The following GNPAT variants were observed in gnomAD, a reference collection of about 807,000 sequenced individuals.
GNPAT encodes the protein dihydroxyacetone phosphate acyltransferase.
Under a neutral mutation model 78.4 loss-of-function variants are expected in GNPAT, and 30 were observed. The ratio of observed to expected loss-of-function variants is 0.38; its 90% CI spans 0.29 to 0.52. The LOEUF is 0.52. Among genes scored for constraint, GNPAT ranks in the 20% least tolerant of loss-of-function variants. The pLI, the probability that GNPAT is intolerant of heterozygous loss-of-function variation, is 0.84. For synonymous variants in GNPAT, 271 were observed against 281.1 expected (o/e 0.96, Z 0.36); for missense variants, 714 against 812.2 (o/e 0.88, Z 1.47).
At chr1:231,271,813 T>C (rs1338580033) in intron 10 of GNPAT, among the ~76,000 whole-genome samples, 2 of 152,138 alleles carry the variant, frequency 1.3e-5, no homozygotes, top group African/African-American at 4.8e-5. Context: ...ATTTAAAAAC[T>C]ATGCTAGGGC....
Position 231,277,725 on chromosome 1 carries a change from G to C in GNPAT, c.*183G>C. The C allele has an allele frequency of 1.7e-6, 1 of 601,370 alleles. No homozygotes were observed. The highest frequency in any genetic ancestry group is 2.8e-4 in the Middle Eastern group (1 of 3,616). 37.3% of individuals were successfully genotyped at this position (601,370 alleles called of 1,614,324 possible). ...AATCAGTTTACTCTTCCCCACCACA[G>C]TGGTTAAAAGGCGTTTGTATCTGAC... On this transcript the variant is annotated 3_prime_UTR_variant, in exon 16 of 16. Coordinates refer to ENST00000366647, the MANE Select transcript of GNPAT (RefSeq NM_014236.4).
chr1:231,269,562 C>A (rs1685495562), intron 9 of GNPAT, among the ~76,000 whole-genome samples: 2 of 152,120 alleles, frequency 1.3e-5, no homozygotes, highest in African/African-American at 4.8e-5. Flanking sequence ...GACAAAAATG[C>A]CAGTCACCAA....
intron 2 of GNPAT, among the ~76,000 whole-genome samples, chr1:231,255,780 C>T (rs181120368): frequency 2.6e-5 from 4 of 152,272 alleles, no homozygotes; most frequent in African/African-American, 9.6e-5. Flanking sequence ...CCTCCTCATC[C>T]TTCATTTACT....
intron 11 of GNPAT, 49 bp downstream of exon 11, chr1:231,272,440 G>T (rs773499895): frequency 2.0e-6 from 2 of 978,132 alleles, no homozygotes; most frequent in Non-Finnish European, 3.3e-6. Flanking sequence ...GTGAGTTCTA[G>T]AAATGTTAGG....
rs959559237 is a variant in GNPAT at position 231,277,729 on chromosome 1, T to C, written c.*187T>C. ...AGTTTACTCTTCCCCACCACAGTGG[T>C]TAAAAGGCGTTTGTATCTGACACTA... On this transcript the variant is annotated 3_prime_UTR_variant, in exon 16 of 16. Transcript: ENST00000366647. 1.9e-5 allele frequency: 11 copies of C among 592,990 alleles called. No homozygotes were observed. The highest frequency in any genetic ancestry group is 2.7e-5 in the Non-Finnish European group (9 of 330,120). The allele number at this position is 592,990 out of a possible 1,614,324, so 36.7% of individuals were successfully genotyped here.
At chr1:231,269,425 A>T (rs1224642922) in intron 9 of GNPAT, among the ~76,000 whole-genome samples, 1 of 152,194 alleles carries the variant, frequency 6.6e-6, no homozygotes, top group African/African-American at 2.4e-5. Flanking sequence ...CACCATCAGA[A>T]GACTGGAGGT....
intron 2 of GNPAT, among the ~76,000 whole-genome samples, chr1:231,254,708 A>G (rs1229465353): frequency 6.6e-6 from 1 of 151,324 alleles, no homozygotes; most frequent in African/African-American, 2.4e-5. Flanking sequence ...TTGGCCTCCC[A>G]AAGTGCTACA....
chr1:231,277,235 G>A lies in GNPAT; in HGVS notation c.2000-264G>A, dbSNP rs13374978. 0.012 allele frequency among the ~76,000 whole-genome samples: 1,789 copies of A among 152,330 alleles called. 42 individuals carry two copies. The highest frequency in any genetic ancestry group is 0.041 in the African/African-American group (1,723 of 41,560). On this transcript the variant is annotated intron_variant, in intron 15 of 15. Transcript: ENST00000366647. ...CACGGAAAGCAGATGTGATGTGAGC[G>A]TGAACATACTGGACTGGAGTTCAGA...
intron 2 of GNPAT, among the ~76,000 whole-genome samples, chr1:231,257,343 G>A (rs537664844): frequency 1.3e-5 from 2 of 152,258 alleles, no homozygotes; most frequent in South Asian, 2.1e-4. Context: ...TCTCAGAAGA[G>A]TGGGCTACAT....
intron 5 of GNPAT, 127 bp downstream of exon 5, chr1:231,265,547 C>G: frequency 3.3e-6 from 3 of 923,018 alleles, no homozygotes. Flanking sequence ...TGCTTATAAC[C>G]TCAGCAATTG....
At chr1:231,261,418 G>T (rs186226009) in intron 3 of GNPAT, among the ~76,000 whole-genome samples, 1 of 151,210 alleles carries the variant, frequency 6.6e-6, no homozygotes, top group African/African-American at 2.4e-5. Flanking sequence ...TATTGGGCTC[G>T]GGTTGTGTAC....
At chr1:231,270,044 C>T (rs533507968) in intron 9 of GNPAT, 2 of 153,154 alleles carry the variant, frequency 1.3e-5, no homozygotes, top group Admixed American at 6.5e-5. Flanking sequence ...AACTTGCCAC[C>T]CAACTTGAGC....
intron 1 of GNPAT, among the ~76,000 whole-genome samples, chr1:231,243,864 A>ATG (rs532068136): frequency 3.3e-3 from 503 of 151,322 alleles, no homozygotes; most frequent in South Asian, 0.018. Context: ...TCTTACATCT[A>ATG]TGTGTGTGTG....
At chr1:231,257,840 A>G (rs1182333049) in intron 2 of GNPAT, among the ~76,000 whole-genome samples, 1 of 152,172 alleles carries the variant, frequency 6.6e-6, no homozygotes, top group East Asian at 1.9e-4. Context: ...TGTATAGCTA[A>G]CTAATTCTTA....
chr1:231,252,809 A>G lies in GNPAT; in HGVS notation c.261+1666A>G, dbSNP rs139518123. ...GAGTGAACTCATTCAGAATTGCAGT[A>G]TTCTTGCTTGATGTTGGTTACCAAA... On this transcript the variant is annotated intron_variant, in intron 2 of 15. Transcript: ENST00000366647. Among the ~76,000 whole-genome samples the G allele has an allele frequency of 8.9e-4, 135 of 151,996 alleles. 1 individual carries two copies. The highest frequency in any genetic ancestry group is 3.2e-3 in the African/African-American group (131 of 41,428).
chr1:231,267,732 GCCTACA>G lies in GNPAT; in HGVS notation c.1109_1114del (p.Ala370_Lys372delinsGlu), dbSNP rs1685431227. The G allele has an allele frequency of 6.2e-7, 1 of 1,612,652 alleles. No homozygotes were observed. The highest frequency in any genetic ancestry group is 8.5e-7 in the Non-Finnish European group (1 of 1,178,814). ...CATGCATGCCTTTGTCACTGAAGTT[GCCTACA>G]AAATGGAGCTTCTGCAAATTGAAAA... On this transcript the variant is annotated inframe_deletion, in exon 9 of 16. Coordinates refer to ENST00000366647, the MANE Select transcript of GNPAT (RefSeq NM_014236.4).
chr1:231,256,153 A>T (rs1685051555), intron 2 of GNPAT, among the ~76,000 whole-genome samples: 1 of 152,214 alleles, frequency 6.6e-6, no homozygotes, highest in Non-Finnish European at 1.5e-5. Flanking sequence ...ACATAATAAG[A>T]ACATGGATAA....
chr1:231,248,466 C>T (rs1413506896), intron 1 of GNPAT, among the ~76,000 whole-genome samples: 2 of 151,716 alleles, frequency 1.3e-5, no homozygotes, highest in African/African-American at 4.8e-5. Flanking sequence ...TGGTGGTTCA[C>T]GCCTGTAATC....
intron 2 of GNPAT, among the ~76,000 whole-genome samples, chr1:231,256,423 T>A (rs522246): frequency 0.55 from 81,383 of 149,076 alleles, 22,450 homozygotes; most frequent in South Asian, 0.62. Context: ...GGATGCCATC[T>A]TCAACTTCTT....
Sources: allele counts gnomAD v4.1 joint callset (sites outside exome capture counted in the v4.1 genomes callset), GRCh38; gene constraint gnomAD v4.1.1; transcripts MANE v1.5; gene names NCBI Gene and HGNC (gene_info 2026-07-23, HGNC 2026-07-21).